PRRC2B: variants seen among roughly 807,000 people sequenced by gnomAD.
PRRC2B encodes the protein proline rich coiled-coil 2B.
PRRC2B carries 68 observed loss-of-function variants against 242.3 expected under a neutral mutation model. The observed-to-expected ratio is 0.28, with a 90% CI of 0.23 to 0.34. The LOEUF (loss-of-function observed/expected upper bound fraction) is 0.34. Ranked by LOEUF, PRRC2B falls within the 10% of genes least tolerant of loss-of-function variation. PRRC2B has a pLI of 1.00. For missense variants in PRRC2B, 2,835 were observed against 2,954.8 expected (o/e 0.96, Z 0.94); for synonymous variants, 1,228 against 1,173.6 (o/e 1.05, Z -0.95).
chr9:131,381,449 T>TG (rs1836758224), intron 1 of PRRC2B, among the ~76,000 whole-genome samples: 2 of 146,950 alleles, frequency 1.4e-5, no homozygotes, highest in South Asian at 4.4e-4. Flanking sequence ...GACGGAGTCT[T>TG]GCTCTGTCCC....
intron 17 of PRRC2B, 73 bp downstream of exon 17, chr9:131,478,022 G>A (rs1025965308): frequency 3.6e-6 from 5 of 1,407,472 alleles, no homozygotes; most frequent in African/African-American, 1.4e-5. Flanking sequence ...CGGGCCTCCC[G>A]AGTTTGCCCT....
chr9:131,469,283 G>A (rs1244811869), intron 13 of PRRC2B, among the ~76,000 whole-genome samples: 3 of 152,182 alleles, frequency 2.0e-5, no homozygotes, highest in African/African-American at 7.2e-5. Context: ...GCAGTGAGCC[G>A]TGGTCGCACC....
chr9:131,443,648 C>T (rs573210082), intron 5 of PRRC2B, among the ~76,000 whole-genome samples: 1 of 152,182 alleles, frequency 6.6e-6, no homozygotes, highest in South Asian at 2.1e-4. Flanking sequence ...CCAGGCCGGT[C>T]TTGAACTCCT....
chr9:131,484,611 G>A, intron 23 of PRRC2B, 75 bp from the exon 24 acceptor site: 1 of 1,179,040 alleles, frequency 8.5e-7, no homozygotes, highest in Non-Finnish European at 1.2e-6. Context: ...GTGTTCAGGA[G>A]AGCCATGGAT....
At position 131,465,079 on chromosome 9, in the gene PRRC2B, G is replaced by A. The variant is rs886630480; in HGVS notation, c.1720+1G>A. On this transcript the variant is annotated splice_donor_variant, in intron 12 of 31. Transcript: ENST00000683519. LOFTEE classifies it high-confidence loss of function. ...GAAAACGGCCCTGCTGTCCACAAAG[G>A]TAAGAGCTGGGCCGTCTTCCCACCA... 4.4e-6 allele frequency: 7 copies of A among 1,608,096 alleles called. No homozygotes were observed. Among genetic ancestry groups the A allele is most frequent in the Admixed American group, 3.4e-5 (2 of 59,606 alleles).
At chr9:131,445,068 G>A (rs1838751611) in intron 6 of PRRC2B, among the ~76,000 whole-genome samples, 1 of 152,128 alleles carries the variant, frequency 6.6e-6, no homozygotes, top group Non-Finnish European at 1.5e-5. Context: ...AGTCATAAGT[G>A]ATGTCCTGTA....
chr9:131,430,282 A>G, intron 2 of PRRC2B, 23 bp downstream of exon 2: 1 of 1,432,338 alleles, frequency 7.0e-7, no homozygotes, highest in Non-Finnish European at 9.7e-7. Context: ...GTTGAAGGCC[A>G]GTTCCTCAAA....
At chr9:131,478,694 G>T in intron 18 of PRRC2B, 75 bp downstream of exon 18, 1 of 1,082,018 alleles carries the variant, frequency 9.2e-7, no homozygotes, top group East Asian at 2.5e-5. Context: ...AGAGCCAGAG[G>T]GTAAGGGAGT....
At position 131,382,893 on chromosome 9, in the gene PRRC2B, C is replaced by T. The variant is rs913798607; in HGVS notation, c.-56+9162C>T. 1.2e-4 allele frequency among the ~76,000 whole-genome samples: 19 copies of T among 152,312 alleles called. 1 individual carries two copies. The highest frequency in any genetic ancestry group is 4.1e-4 in the African/African-American group (17 of 41,582). On this transcript the variant is annotated intron_variant, in intron 1 of 1. Transcript: ENST00000682525. The stretch of plus-strand genomic sequence containing the variant: ...CTCCTGACCTCAAGTGATCCGCCCG[C>T]CTTGGCTTCCCAAAGTGCTGGGATG...
chr9:131,486,256 C>T, intron 26 of PRRC2B, 74 bp downstream of exon 26: 6 of 1,042,366 alleles, frequency 5.8e-6, no homozygotes, highest in Admixed American at 2.1e-5. Flanking sequence ...TTGGCTTGCT[C>T]ATCTATTTCT....
chr9:131,393,492 T>C (rs1031669337), upstream of PRRC2B, among the ~76,000 whole-genome samples: 2 of 152,234 alleles, frequency 1.3e-5, no homozygotes, highest in African/African-American at 4.8e-5. Context: ...TTATTAGTTT[T>C]CATTTTGTAA....
At chr9:131,396,448 C>T (rs1837060924) in intron 1 of PRRC2B, among the ~76,000 whole-genome samples, 1 of 151,568 alleles carries the variant, frequency 6.6e-6, no homozygotes, top group African/African-American at 2.4e-5. Flanking sequence ...GCCTCAGCCT[C>T]TGGAGTAGCT....
intron 3 of PRRC2B, 131 bp downstream of exon 3, chr9:131,432,925 A>G: frequency 1.2e-6 from 1 of 855,258 alleles, no homozygotes; most frequent in Non-Finnish European, 1.8e-6. Flanking sequence ...GAATTGGAAC[A>G]CTGGGAGATG....
chr9:131,389,918 T>C (rs538663376), upstream of PRRC2B, among the ~76,000 whole-genome samples: 1 of 124,774 alleles, frequency 8.0e-6, no homozygotes, highest in Admixed American at 8.7e-5. Flanking sequence ...CATGGTTGTT[T>C]TTTTTTTTGT....
In PRRC2B at chr9:131,476,113, C is replaced by T. The variant is rs113338693; in HGVS notation, c.3984C>T (p.Pro1328=). The part of the protein sequence containing the change: ...QERESLGLWG[P]EEEPHLLAGQ... ...GGGAGTCCCTGGGCCTGTGGGGACC[C>T]GAGGAGGAGCCCCACCTGCTGGCAG... The change falls in exon 16 of 32, where the codon CCC becomes CCT. Residue 1328 remains proline, a synonymous_variant. Transcript: ENST00000683519. The T allele has an allele frequency of 0.046, 74,495 of 1,609,722 alleles. 2,224 individuals are homozygous for T. Among genetic ancestry groups the T allele is most frequent in the Admixed American group, 0.13 (7,930 of 59,894 alleles).
At chr9:131,467,797 G>A in intron 13 of PRRC2B, 44 bp downstream of exon 13, 4 of 1,593,210 alleles carry the variant, frequency 2.5e-6, no homozygotes, top group Non-Finnish European at 3.4e-6. Context: ...ACAGGCCTGA[G>A]TGCCGAGCAG....
At position 131,465,049 on chromosome 9, in the gene PRRC2B, C is replaced by T. The variant is rs1296293528; in HGVS notation, c.1691C>T (p.Pro564Leu). ...PWSPSAEKAS[P>L]QENGPAVHKG... is the part of the protein sequence containing the mutation. Reference sequence around the variant, plus strand: ...TCTCCAAGTGCTGAGAAGGCATCTCCCCAGGAAAACGGCCCTGCTGTCCAC... The same window carrying T: ...TCTCCAAGTGCTGAGAAGGCATCTCTCCAGGAAAACGGCCCTGCTGTCCAC... Residue 564 changes from proline (P) to leucine (L), a missense_variant, in exon 12 of 32, where the codon CCC becomes CTC. By Grantham distance (98) the Pro-to-Leu change is moderately conservative. Transcript: ENST00000683519. 1 of 1,613,722 alleles carries T rather than the reference C, an allele frequency of 6.2e-7. No homozygotes were observed. The highest frequency in any genetic ancestry group is 1.7e-5 in the Admixed American group (1 of 60,010).
chr9:131,430,818 C>T (rs966683072), intron 2 of PRRC2B, among the ~76,000 whole-genome samples: 2 of 151,486 alleles, frequency 1.3e-5, no homozygotes, highest in African/African-American at 4.9e-5. Flanking sequence ...GTCTCAAACT[C>T]GTGACCTCAG....
At chr9:131,390,894 C>G (rs1463352960), upstream of PRRC2B, among the ~76,000 whole-genome samples, 1 of 148,822 alleles carries the variant, frequency 6.7e-6, no homozygotes, top group Non-Finnish European at 1.5e-5. Flanking sequence ...TCAAGCAGTT[C>G]TCCTGCCTCA....
Sources: gnomAD v4.1 joint callset for allele counts (sites outside exome capture counted in the v4.1 genomes callset) on GRCh38, gnomAD v4.1.1 for gene constraint, MANE v1.5 for transcripts, NCBI Gene and HGNC (gene_info 2026-07-23, HGNC 2026-07-21) for gene names.